C2orf76: variants seen among roughly 807,000 people sequenced by gnomAD.
C2orf76 encodes chromosome 2 open reading frame 76, also known as UPF0538 protein C2orf76.
A neutral mutation model predicts 16.9 loss-of-function variants in C2orf76; 23 were observed. The observed-to-expected ratio is 1.36, with a 90% CI of 0.98 to 1.93. The LOEUF (loss-of-function observed/expected upper bound fraction) is 1.93. Among genes scored for constraint, C2orf76 ranks in the 30% most tolerant of loss-of-function variants. C2orf76 has a pLI of 0.00. For synonymous variants in C2orf76, 48 were observed against 52.3 expected, an observed-to-expected ratio of 0.92 and a Z score of 0.35; for missense variants, 152 against 152.6, an observed-to-expected ratio of 1.00 and a Z score of 0.02.
chr2:119,326,452 T>C (rs1013688126), intron 2 of C2orf76, among the ~76,000 whole-genome samples: 2 of 152,218 alleles, frequency 1.3e-5, no homozygotes, highest in Non-Finnish European at 2.9e-5. Flanking sequence ...ATGCAGTACT[T>C]GATTACTATA....
the C2orf76 span, among the ~76,000 whole-genome samples, chr2:119,281,737 GC>G: frequency 2.0e-5 from 3 of 152,054 alleles, no homozygotes; most frequent in African/African-American, 7.2e-5. Context: ...TTAAATTCTA[GC>G]TAGATTTTTT....
the C2orf76 span, among the ~76,000 whole-genome samples, chr2:119,284,230 C>T: frequency 1.3e-5 from 2 of 152,314 alleles, no homozygotes; most frequent in African/African-American, 4.8e-5. Flanking sequence ...TCACTGACCA[C>T]GAGGGAATGT....
chr2:119,342,951 G>C (rs1573667268), intron 1 of C2orf76, among the ~76,000 whole-genome samples: 1 of 152,200 alleles, frequency 6.6e-6, no homozygotes, highest in East Asian at 1.9e-4. Context: ...TGTATTTTTA[G>C]TAGAGATGGG....
chr2:119,322,106 G>A (rs865830381), intron 2 of C2orf76, among the ~76,000 whole-genome samples: 10 of 151,622 alleles, frequency 6.6e-5, no homozygotes, highest in Admixed American at 2.0e-4. Context: ...ACAGAGAAAT[G>A]TGTGTATATA....
intron 3 of C2orf76, among the ~76,000 whole-genome samples, chr2:119,317,776 T>C (rs1461897981): frequency 1.3e-5 from 2 of 152,142 alleles, no homozygotes. Context: ...CATTTTTTCT[T>C]AGAATGGAAG....
intron 1 of C2orf76, among the ~76,000 whole-genome samples, chr2:119,355,318 G>A (rs1220658172): frequency 6.6e-6 from 1 of 152,200 alleles, no homozygotes; most frequent in Non-Finnish European, 1.5e-5. Context: ...AGAGGGGCTG[G>A]CTGCTTTCAT....
At chr2:119,325,563 G>C (rs2104574747) in intron 2 of C2orf76, among the ~76,000 whole-genome samples, 1 of 152,046 alleles carries the variant, frequency 6.6e-6, no homozygotes, top group East Asian at 1.9e-4. Context: ...GCTGCAGTGA[G>C]CTATGGTTGC....
chr2:119,303,204 C>T (rs1354921419), intron 5 of C2orf76, among the ~76,000 whole-genome samples: 1 of 152,192 alleles, frequency 6.6e-6, no homozygotes, highest in East Asian at 1.9e-4. Context: ...AGCTAAAGGA[C>T]CCATGAAGGT....
At chr2:119,323,781 T>C (rs916191420) in intron 2 of C2orf76, among the ~76,000 whole-genome samples, 18 of 152,206 alleles carry the variant, frequency 1.2e-4, no homozygotes, top group South Asian at 2.1e-4. Flanking sequence ...AAGGGGGCTC[T>C]GCCAGTCAGT....
chr2:119,317,339 C>T, intron 4 of C2orf76, 127 bp downstream of exon 4: 1 of 598,170 alleles, frequency 1.7e-6, no homozygotes, highest in Non-Finnish European at 2.6e-6. Context: ...AAAAGGGTAC[C>T]TACAAAATAA....
At chr2:119,334,835 G>A (rs980402316) in intron 2 of C2orf76, among the ~76,000 whole-genome samples, 1 of 152,074 alleles carries the variant, frequency 6.6e-6, no homozygotes, top group Non-Finnish European at 1.5e-5. Context: ...AAAAAGTGCT[G>A]ACCTAAATAA....
At position 119,350,079 on chromosome 2, in the gene C2orf76, C is replaced by G. The variant is rs1229853407; in HGVS notation, c.-12-10108G>C. ...CGCCCCGCCCACACCGCCCCCCGCC[C>G]CCCCACCGTCCCGCGTAAGTGTTTG... is the stretch of plus-strand genomic sequence containing the variant. On this transcript the variant is annotated intron_variant, in intron 1 of 5. Transcript: ENST00000334816. 2.4e-4 allele frequency among the ~76,000 whole-genome samples: 30 copies of G among 127,296 alleles called. No homozygotes were observed. In the East Asian group the frequency reaches 3.2e-3, roughly 14 times the overall value. The allele number at this position is 127,296 out of a possible 152,430, so 83.5% of individuals were successfully genotyped here.
chr2:119,311,023 T>C, intron 5 of C2orf76: 1 of 430,216 alleles, frequency 2.3e-6, no homozygotes. Context: ...CCAGATCAGC[T>C]TTAGGTGTAC....
intron 5 of C2orf76, 126 bp downstream of exon 5, chr2:119,311,496 C>G (rs1390478232): frequency 1.4e-6 from 2 of 1,447,100 alleles, no homozygotes; most frequent in Non-Finnish European, 1.8e-6. Flanking sequence ...TGAACAGTTA[C>G]CGGGCAGTGT....
intron 4 of C2orf76, 101 bp downstream of exon 4, chr2:119,317,363 AAT>A: frequency 1.3e-6 from 1 of 789,670 alleles, no homozygotes. Flanking sequence ...GCGCTATTAT[AAT>A]GGGAAATATT....
intron 5 of C2orf76, among the ~76,000 whole-genome samples, chr2:119,304,057 G>A (rs945478071): frequency 5.3e-5 from 8 of 152,162 alleles, no homozygotes; most frequent in African/African-American, 1.2e-4. Context: ...AGAAAATCAA[G>A]AAAGAGAGCT....
At chr2:119,342,915 A>T (rs893898657) in intron 1 of C2orf76, among the ~76,000 whole-genome samples, 30 of 151,958 alleles carry the variant, frequency 2.0e-4, no homozygotes, top group African/African-American at 6.8e-4. Flanking sequence ...GACTACAGGT[A>T]CGCGCCACCA....
intron 4 of C2orf76, 140 bp from the exon 5 acceptor site, chr2:119,311,843 A>C (rs1456471100): frequency 1.3e-6 from 1 of 770,860 alleles, no homozygotes; most frequent in Non-Finnish European, 2.0e-6. Context: ...TAATGAGGGC[A>C]GTGAACAGAG....
At chr2:119,346,240 A>C (rs1392523320) in intron 1 of C2orf76, among the ~76,000 whole-genome samples, 1 of 152,158 alleles carries the variant, frequency 6.6e-6, no homozygotes. Context: ...AATTTCTCAC[A>C]AAACTAAACA....
Sources: gnomAD v4.1 joint callset for allele counts (sites outside exome capture counted in the v4.1 genomes callset) on GRCh38, gnomAD v4.1.1 for gene constraint, MANE v1.5 for transcripts, NCBI Gene and HGNC (gene_info 2026-07-23, HGNC 2026-07-21) for gene names.